Variants in SNX27 observed in about 807,000 individuals in gnomAD.
SNX27 encodes sorting nexin-27.
Under a neutral mutation model 71.6 loss-of-function variants are expected in SNX27, and 22 were observed. The observed-to-expected ratio is 0.31, with a 90% CI of 0.22 to 0.44. The LOEUF (loss-of-function observed/expected upper bound fraction) is 0.44. SNX27 is among the 20% of genes least tolerant of loss of function. The pLI is 1.00. For synonymous variants in SNX27, 269 were observed against 277.2 expected, an observed-to-expected ratio of 0.97 and a Z score of 0.29; for missense variants, 531 against 698.6, an observed-to-expected ratio of 0.76 and a Z score of 2.70.
chr1:151,629,725 G>A (rs1320891423), intron 1 of SNX27, among the ~76,000 whole-genome samples: 3 of 150,576 alleles, frequency 2.0e-5, no homozygotes, highest in South Asian at 2.1e-4. Context: ...CTACATGTGC[G>A]TGCCACCATG....
At position 151,693,501 on chromosome 1, in the gene SNX27, T is replaced by C. The variant is rs781549825; in HGVS notation, c.1578+18T>C. 6.2e-6 allele frequency: 10 copies of C among 1,613,938 alleles called. No homozygotes were observed. The highest frequency in any genetic ancestry group is 8.5e-6 in the Non-Finnish European group (10 of 1,179,878). On this transcript the variant is annotated intron_variant, in intron 11 of 11. Coordinates refer to ENST00000458013, the MANE Select transcript of SNX27 (RefSeq NM_001330723.2). ...GAAAAGAGGTAATTCTGAACAGTCCTTGAATTGACCTTTTCATCTTTTTGT... is the reference window on the plus strand; with the variant it reads ...GAAAAGAGGTAATTCTGAACAGTCCCTGAATTGACCTTTTCATCTTTTTGT...
chr1:151,675,826 T>C (rs1571858890), intron 7 of SNX27: 1 of 99,512 alleles, frequency 1.0e-5, no homozygotes, highest in East Asian at 6.1e-4. Flanking sequence ...TTTTTTTTTT[T>C]TTTTTTTTTT....
chr1:151,642,591 T>A (rs556009250), intron 2 of SNX27, among the ~76,000 whole-genome samples: 1 of 152,222 alleles, frequency 6.6e-6, no homozygotes. Context: ...CTTACAGTTT[T>A]ATAGTTTCAG....
At chr1:151,679,467 A>C (rs1670843835) in intron 7 of SNX27, 1 of 152,220 alleles carries the variant, frequency 6.6e-6, no homozygotes, top group South Asian at 2.1e-4. Context: ...AAGCTCACAA[A>C]AGTAGCAGTA....
At chr1:151,642,888 C>T (rs1464732907) in intron 2 of SNX27, among the ~76,000 whole-genome samples, 2 of 152,182 alleles carry the variant, frequency 1.3e-5, no homozygotes, top group Non-Finnish European at 2.9e-5. Context: ...GGTCCACCCG[C>T]CTCGGCCTCC....
chr1:151,696,863 T>G lies in SNX27; in HGVS notation c.*2446T>G, dbSNP rs1280981930. On this transcript the variant is annotated 3_prime_UTR_variant, in exon 12 of 12. Transcript: ENST00000458013. ...CGGGGTTTCACCATGATGGCCAGGTTGGTTTTGAACTCCTGACCTCAAGTA... is the reference window on the plus strand; with the variant it reads ...CGGGGTTTCACCATGATGGCCAGGTGGGTTTTGAACTCCTGACCTCAAGTA... 6.6e-6 allele frequency: 1 copy of G among 152,090 alleles called. No homozygotes were observed. Among genetic ancestry groups the G allele is most frequent in the Non-Finnish European group, 1.5e-5 (1 of 68,026 alleles). The allele number at this position is 152,090 out of a possible 1,614,324, so 9.4% of individuals were successfully genotyped here.
rs115609399 is a variant in SNX27 at position 151,623,953 on chromosome 1, T to A, written c.311+11441T>A. On this transcript the variant is annotated intron_variant, in intron 1 of 11. Coordinates refer to ENST00000458013, the MANE Select transcript of SNX27 (RefSeq NM_001330723.2). Reference sequence around the variant, plus strand: ...ATAAAGACATTGTGCTTACATTTTTTAAAAATTTATTTATTTATTTATTTT... The same window carrying A: ...ATAAAGACATTGTGCTTACATTTTTAAAAAATTTATTTATTTATTTATTTT... Among the ~76,000 whole-genome samples, 268 of 152,290 alleles carry A rather than the reference T, an allele frequency of 1.8e-3. 2 individuals are homozygous for A. The highest frequency in any genetic ancestry group is 6.2e-3 in the African/African-American group (259 of 41,564).
chr1:151,648,685 C>T (rs1275951461), intron 2 of SNX27, among the ~76,000 whole-genome samples: 1 of 152,200 alleles, frequency 6.6e-6, no homozygotes, highest in Non-Finnish European at 1.5e-5. Flanking sequence ...TCCCAAAGTG[C>T]TGGGATTACA....
chr1:151,623,948 T>C (rs536714887), intron 1 of SNX27, among the ~76,000 whole-genome samples: 222 of 152,240 alleles, frequency 1.5e-3, no homozygotes, highest in African/African-American at 4.9e-3. Flanking sequence ...TGTGCTTACA[T>C]TTTTTAAAAA....
At chr1:151,629,606 CAG>C (rs1668122152) in intron 1 of SNX27, among the ~76,000 whole-genome samples, 1 of 141,232 alleles carries the variant, frequency 7.1e-6, no homozygotes, top group South Asian at 2.2e-4. Flanking sequence ...TTTTTTGAGA[CAG>C]AGTCTCACTC....
intron 2 of SNX27, among the ~76,000 whole-genome samples, chr1:151,656,729 G>A (rs1255802076): frequency 6.6e-6 from 1 of 152,184 alleles, no homozygotes. Flanking sequence ...TCATGAGTGG[G>A]AGAACAGATT....
chr1:151,684,435 G>A (rs1426503548), intron 8 of SNX27, among the ~76,000 whole-genome samples: 1 of 152,162 alleles, frequency 6.6e-6, no homozygotes, highest in Non-Finnish European at 1.5e-5. Flanking sequence ...GCTGCCTAGA[G>A]TATTCCTTAA....
chr1:151,621,191 A>G (rs1050194592), intron 1 of SNX27, among the ~76,000 whole-genome samples: 1 of 152,234 alleles, frequency 6.6e-6, no homozygotes, highest in Admixed American at 6.5e-5. Flanking sequence ...GCTTTCTTTC[A>G]TAATATTCGT....
Position 151,696,581 on chromosome 1 carries a change from T to C in SNX27, c.*2164T>C, listed in dbSNP as rs546462787. 2.6e-5 allele frequency: 4 copies of C among 151,714 alleles called. No individual in the cohort carries two copies. In the South Asian group the frequency reaches 6.2e-4, roughly 24 times the overall value. The allele number at this position is 151,714 out of a possible 1,614,324, so 9.4% of individuals were successfully genotyped here. ...TTTTGCTTTCCTTCTTTCATCTCTT[T>C]TTTGTAATTTGTTGTTGCAAATCAT... On this transcript the variant is annotated 3_prime_UTR_variant, in exon 12 of 12. Transcript: ENST00000458013.
At chr1:151,652,940 T>G (rs2102665167) in intron 2 of SNX27, among the ~76,000 whole-genome samples, 1 of 151,376 alleles carries the variant, frequency 6.6e-6, no homozygotes, top group Non-Finnish European at 1.5e-5. Context: ...TTTTTTTTTT[T>G]TTTTGAGATG....
chr1:151,621,049 T>C (rs1200394820), intron 1 of SNX27, among the ~76,000 whole-genome samples: 1 of 152,152 alleles, frequency 6.6e-6, no homozygotes, highest in African/African-American at 2.4e-5. Flanking sequence ...GGGAGCTGAG[T>C]GGACTGAAGA....
At chr1:151,671,786 T>C (rs1407186496) in intron 7 of SNX27, among the ~76,000 whole-genome samples, 4 of 152,144 alleles carry the variant, frequency 2.6e-5, no homozygotes, top group African/African-American at 7.2e-5. Flanking sequence ...TCATAGTGTT[T>C]TAATTTCTTT....
At chr1:151,693,129 G>A in intron 10 of SNX27, 90 bp downstream of exon 10, 1 of 1,518,950 alleles carries the variant, frequency 6.6e-7, no homozygotes, top group Non-Finnish European at 8.9e-7. Flanking sequence ...GAGAGATAGA[G>A]CTAGTAGTTG....
Position 151,677,160 on chromosome 1 carries a change from C to G in SNX27, c.1150-6196C>G, listed in dbSNP as rs1670737723. 10 of 152,166 alleles carry G rather than the reference C, an allele frequency of 6.6e-5. No individual in the cohort carries two copies. In the South Asian group the frequency reaches 2.1e-3, roughly 32 times the overall value. 9.4% of individuals were successfully genotyped at this position (152,166 alleles called of 1,614,324 possible). A position where few individuals can be genotyped will look rare whatever the true frequency, so the allele number is the denominator to read the frequency against. On this transcript the variant is annotated intron_variant, in intron 7 of 11. Coordinates refer to ENST00000458013, the MANE Select transcript of SNX27 (RefSeq NM_001330723.2). ...CATTTCATAACACTTTATAAAGTAT[C>G]TATCCTATTACTATTCCAACTGGAA... is the stretch of plus-strand genomic sequence containing the variant.
Sources: gnomAD v4.1 joint callset for allele counts (sites outside exome capture counted in the v4.1 genomes callset) on GRCh38, gnomAD v4.1.1 for gene constraint, MANE v1.5 for transcripts, NCBI Gene and HGNC (gene_info 2026-07-23, HGNC 2026-07-21) for gene names.